The following CFAP58 variants were observed in gnomAD, a reference collection of about 807,000 sequenced individuals.
CFAP58 encodes cilia- and flagella-associated protein 58.
In CFAP58, 88 loss-of-function variants were observed where a neutral mutation model predicts 119.5. That is an observed-to-expected ratio of 0.74 (90% CI 0.62 to 0.88). The LOEUF is 0.88. Ranked by LOEUF, CFAP58 falls within the 40% of genes least tolerant of loss-of-function variation. The probability of loss-of-function intolerance (pLI) is 0.00; values close to 1 mark genes in which losing one functional copy is unlikely to be tolerated. For missense variants in CFAP58, 990 were observed against 1,021.2 expected (o/e 0.97, Z 0.42); for synonymous variants, 365 against 366.3 (o/e 1.00, Z 0.04).
At chr10:104,368,709 T>G (rs2014785415) in intron 6 of CFAP58, 149 bp downstream of exon 6, 1 of 719,650 alleles carries the variant, frequency 1.4e-6, no homozygotes, top group Non-Finnish European at 2.2e-6. Flanking sequence ...TAGTGATTGC[T>G]TTAGGCCCAG....
chr10:104,350,981 A>T (rs904893937), upstream of CFAP58, among the ~76,000 whole-genome samples: 15 of 152,218 alleles, frequency 9.9e-5, no homozygotes, highest in African/African-American at 3.1e-4. Flanking sequence ...ATGGGTGACC[A>T]GGGCCCTCTA....
chr10:104,388,519 C>T (rs2011969678), intron 9 of CFAP58, among the ~76,000 whole-genome samples: 1 of 152,162 alleles, frequency 6.6e-6, no homozygotes, highest in African/African-American at 2.4e-5. Context: ...AGGGAAGACT[C>T]AGCATTTCGC....
chr10:104,424,265 G>T (rs905590480), intron 15 of CFAP58, among the ~76,000 whole-genome samples: 1 of 152,152 alleles, frequency 6.6e-6, no homozygotes, highest in Non-Finnish European at 1.5e-5. Flanking sequence ...TGCCAAATCT[G>T]TAGCATATTA....
chr10:104,361,821 GACTATAGGCCTGT>G (rs1463367870), intron 2 of CFAP58, among the ~76,000 whole-genome samples, 189 bp from the exon 3 acceptor site: 2 of 152,216 alleles, frequency 1.3e-5, no homozygotes, highest in Non-Finnish European at 2.9e-5. Flanking sequence ...GAGTAGCTGA[GACTATAGGCCTGT>G]ACCACCACGT....
At chr10:104,404,840 G>A (rs567020675) in intron 14 of CFAP58, among the ~76,000 whole-genome samples, 155 of 152,128 alleles carry the variant, frequency 1.0e-3, no homozygotes, top group African/African-American at 3.4e-3. Context: ...CTCGTGATCC[G>A]CCCACCTCAG....
intron 7 of CFAP58, among the ~76,000 whole-genome samples, chr10:104,371,657 G>C (rs2014825265): frequency 6.6e-6 from 1 of 152,200 alleles, no homozygotes; most frequent in Non-Finnish European, 1.5e-5. Context: ...CACATCTGGT[G>C]GTTGGGGGTG....
At chr10:104,413,706 ACATCATCATCATCATCATCATCATCAT>A (rs199893413) in intron 15 of CFAP58, among the ~76,000 whole-genome samples, 1 of 143,760 alleles carries the variant, frequency 7.0e-6, no homozygotes, top group Non-Finnish European at 1.5e-5. Context: ...GGGTATCATT[ACATCATCATCATCATCATCATCATCAT>A]CATCATCATC....
intron 9 of CFAP58, chr10:104,382,274 G>C: frequency 1.4e-6 from 1 of 703,978 alleles, no homozygotes; most frequent in South Asian, 1.5e-5. Context: ...ACAGGGCTGT[G>C]CCGGACATCC....
rs559327518 is a variant in CFAP58, at chr10:104,376,770, G to T, written c.1091-41G>T. 2.0e-6 allele frequency: 3 copies of T among 1,517,070 alleles called. No homozygotes were observed. In the South Asian group the frequency reaches 3.4e-5, roughly 17 times the overall value. The allele number at this position is 1,517,070 out of a possible 1,614,324, so 94.0% of individuals were successfully genotyped here. ...CGGCTTTTGTAGATTCTCTTAGGTC[G>T]ACTCTACGTTTATTATTATTTTTTC... On this transcript the variant is annotated intron_variant, in intron 7 of 17. Transcript: ENST00000369704.
At position 104,357,804 on chromosome 10, in the gene CFAP58, CACATATATATGTACATATAT is replaced by C. The variant is rs1564875312; in HGVS notation, c.10-533_10-514del. ...GTGTGTTTATATACATATATATACA[CACATATATATGTACATATAT>C]ACACATATATGTACACATATGTACA... is the stretch of plus-strand genomic sequence containing the variant. On this transcript the variant is annotated intron_variant, in intron 1 of 17. Coordinates refer to ENST00000369704, the MANE Select transcript of CFAP58 (RefSeq NM_001008723.2). Among the ~76,000 whole-genome samples, 18 of 147,596 alleles carry C rather than the reference CACATATATATGTACATATAT, an allele frequency of 1.2e-4. 2 individuals are homozygous for C. The highest frequency in any genetic ancestry group is 4.1e-4 in the African/African-American group (16 of 39,058).
intron 2 of CFAP58, 21 bp downstream of exon 2, chr10:104,358,643 G>T (rs113832347): frequency 3.5e-5 from 55 of 1,591,992 alleles, no homozygotes; most frequent in Non-Finnish European, 4.7e-5. Context: ...TTCTAGAAAT[G>T]GAATGAACCT....
intron 17 of CFAP58, among the ~76,000 whole-genome samples, chr10:104,452,729 T>A (rs2013214823): frequency 6.6e-6 from 1 of 152,254 alleles, no homozygotes; most frequent in African/African-American, 2.4e-5. Flanking sequence ...ATGTGGCTAG[T>A]GGCTGGGTAT....
In CFAP58 at chr10:104,353,911, G is replaced by T. The variant is rs2014503802; in HGVS notation, c.9+5G>T. On this transcript the variant is annotated splice_donor_5th_base_variant and intron_variant, in intron 1 of 17. Transcript: ENST00000369704. The stretch of plus-strand genomic sequence containing the variant: ...GAGAGCATCAGGATGGCTGAGGTCA[G>T]GAGTCAGCGCCCCTCTGTCGCCTTT... 6.2e-7 allele frequency: 1 copy of T among 1,613,628 alleles called. No homozygotes were observed. Among genetic ancestry groups the T allele is most frequent in the East Asian group, 2.2e-5 (1 of 44,868 alleles).
At chr10:104,402,097 G>A (rs1311967002) in intron 13 of CFAP58, among the ~76,000 whole-genome samples, 5 of 152,140 alleles carry the variant, frequency 3.3e-5, no homozygotes, top group African/African-American at 1.2e-4. Flanking sequence ...CTTAATAAAT[G>A]TTGGAGGTAA....
intron 7 of CFAP58, among the ~76,000 whole-genome samples, chr10:104,371,797 C>T (rs903636385): frequency 7.9e-5 from 12 of 152,120 alleles, no homozygotes; most frequent in Admixed American, 3.3e-4. Flanking sequence ...ATACAGTATA[C>T]TTGTCAAATT....
chr10:104,416,700 T>C (rs1205541640), intron 15 of CFAP58, among the ~76,000 whole-genome samples: 3 of 152,222 alleles, frequency 2.0e-5, no homozygotes, highest in African/African-American at 4.8e-5. Flanking sequence ...GTATAGGTAT[T>C]ATCTCATTTA....
intron 9 of CFAP58, chr10:104,382,497 C>T (rs565901959): frequency 3.0e-6 from 1 of 329,208 alleles, no homozygotes; most frequent in South Asian, 5.7e-5. Context: ...ACCTCTGTCA[C>T]CTCTCCCTGG....
At chr10:104,438,326 G>GTTTTTTTTTTTTTTTTTTTTTTT (rs201531910) in intron 15 of CFAP58, among the ~76,000 whole-genome samples, 1 of 125,332 alleles carries the variant, frequency 8.0e-6, no homozygotes, top group African/African-American at 3.2e-5. Context: ...AATTTTTATT[G>GTTTTTTTTTTTTTTTTTTTTTTT]TTTTTTTGTT....
rs192209100 is a variant in CFAP58, at chr10:104,454,887, C to T, written c.*357C>T. The T allele has an allele frequency of 1.5e-3, 259 of 168,890 alleles. 1 individual carries two copies. The highest frequency in any genetic ancestry group is 2.6e-3 in the Middle Eastern group (1 of 384). 10.5% of individuals were successfully genotyped at this position (168,890 alleles called of 1,614,324 possible). A position where few individuals can be genotyped will look rare whatever the true frequency, so the allele number is the denominator to read the frequency against. ...ATTTTTGAAATGCAATGTGTCCCCT[C>T]TCACCTTATTAACAATAATCTATTT... On this transcript the variant is annotated 3_prime_UTR_variant, in exon 18 of 18. Coordinates refer to ENST00000369704, the MANE Select transcript of CFAP58 (RefSeq NM_001008723.2).
Sources: allele counts gnomAD v4.1 joint callset (sites outside exome capture counted in the v4.1 genomes callset), GRCh38; gene constraint gnomAD v4.1.1; transcripts MANE v1.5; gene names NCBI Gene and HGNC (gene_info 2026-07-23, HGNC 2026-07-21).